CFAP54: variants seen among roughly 807,000 people sequenced by gnomAD.
CFAP54 encodes the protein cilia and flagella associated protein 54, also known as cilia- and flagella-associated protein 54.
A neutral mutation model predicts 370.4 loss-of-function variants in CFAP54; 290 were observed. The observed-to-expected ratio is 0.78, with a 90% CI of 0.71 to 0.86. CFAP54 has a LOEUF of 0.86. Ranked by LOEUF, CFAP54 falls within the 40% of genes least tolerant of loss-of-function variation. CFAP54 has a pLI of 0.00. For missense variants in CFAP54, 3,399 were observed against 3,528.7 expected (o/e 0.96, Z 0.93); for synonymous variants, 1,206 against 1,236.5 (o/e 0.98, Z 0.52).
chr12:96,512,330 T>C (rs1171489305), intron 4 of CFAP54, among the ~76,000 whole-genome samples: 3 of 38,408 alleles, frequency 7.8e-5, no homozygotes, highest in African/African-American at 2.1e-4. Context: ...TATATATATA[T>C]ATATATATAT....
At chr12:96,516,728 G>A (rs2136363474) in intron 5 of CFAP54, among the ~76,000 whole-genome samples, 1 of 152,234 alleles carries the variant, frequency 6.6e-6, no homozygotes, top group Non-Finnish European at 1.5e-5. Flanking sequence ...ATTGATTTCT[G>A]TTTCATTTTA....
intron 32 of CFAP54, among the ~76,000 whole-genome samples, chr12:96,640,431 A>C (rs895889807): frequency 8.5e-5 from 13 of 152,302 alleles, no homozygotes; most frequent in South Asian, 2.1e-4. Context: ...AAAGAGGATA[A>C]AAACCAGTGG....
intron 45 of CFAP54, among the ~76,000 whole-genome samples, chr12:96,698,398 T>C (rs959010923): frequency 6.6e-6 from 1 of 152,192 alleles, no homozygotes; most frequent in Non-Finnish European, 1.5e-5. Flanking sequence ...GTAGCACTAT[T>C]CACAATAGCA....
intron 26 of CFAP54, among the ~76,000 whole-genome samples, chr12:96,600,215 A>G (rs966559560): frequency 2.0e-5 from 3 of 152,172 alleles, no homozygotes; most frequent in East Asian, 1.9e-4. Flanking sequence ...CTTTCTACAT[A>G]TGGCTAGCCA....
At chr12:96,765,055 C>G in intron 59 of CFAP54, 22 bp from the exon 60 acceptor site, 1 of 1,381,796 alleles carries the variant, frequency 7.2e-7, no homozygotes, top group Non-Finnish European at 9.5e-7. Context: ...ATTTATAATT[C>G]TAATTTATGC....
chr12:96,864,262 G>A (rs1175739804), intron 67 of CFAP54, among the ~76,000 whole-genome samples: 1 of 152,086 alleles, frequency 6.6e-6, no homozygotes, highest in African/African-American at 2.4e-5. Flanking sequence ...GGAGAAGAAG[G>A]GGAACAGACA....
chr12:96,721,387 A>AAC lies in CFAP54; in HGVS notation c.6965+822_6965+823insAC, dbSNP rs200376741. 7.7e-4 allele frequency among the ~76,000 whole-genome samples: 117 copies of AAC among 152,346 alleles called. No homozygotes were observed. In the East Asian group the frequency reaches 0.022, roughly 29 times the overall value. ...CGATTTATTTATTTAGTCAACCAGT[A>AAC]TCTGTTAACTCTCTCACTGCCAGGC... is the stretch of plus-strand genomic sequence containing the variant. On this transcript the variant is annotated intron_variant, in intron 50 of 67. Transcript: ENST00000524981.
At position 96,533,956 on chromosome 12, in the gene CFAP54, CTTAT is replaced by C; in HGVS notation, c.1529_1532del (p.Tyr510PhefsTer17). 6.6e-7 allele frequency: 1 copy of C among 1,515,598 alleles called. No individual in the cohort carries two copies. The highest frequency in any genetic ancestry group is 2.5e-5 in the East Asian group (1 of 40,750). The allele number at this position is 1,515,598 out of a possible 1,614,324, so 93.9% of individuals were successfully genotyped here. A position where few individuals can be genotyped will look rare whatever the true frequency, so the allele number is the denominator to read the frequency against. ...TTTATTTGAATCTTCTGCTGTACAT[CTTAT>C]TTATTTTCTCCAGGTAATATATGCA... is the stretch of plus-strand genomic sequence containing the variant. On this transcript the variant is annotated frameshift_variant, in exon 10 of 68. Coordinates refer to ENST00000524981, the MANE Select transcript of CFAP54 (RefSeq NM_001306084.2). LOFTEE classifies it high-confidence loss of function.
intron 5 of CFAP54, among the ~76,000 whole-genome samples, chr12:96,517,781 G>C (rs1469117523): frequency 6.6e-6 from 1 of 152,200 alleles, no homozygotes; most frequent in Admixed American, 6.5e-5. Flanking sequence ...CTGGCAACCT[G>C]GGGTAAAGCC....
At chr12:96,808,872 A>G (rs1958906108) in intron 63 of CFAP54, among the ~76,000 whole-genome samples, 1 of 152,188 alleles carries the variant, frequency 6.6e-6, no homozygotes, top group African/African-American at 2.4e-5. Context: ...TTCCCCTTAT[A>G]TGCTAACAGG....
chr12:96,753,324 C>G (rs939767467), intron 55 of CFAP54, among the ~76,000 whole-genome samples: 17 of 152,246 alleles, frequency 1.1e-4, no homozygotes, highest in Admixed American at 5.2e-4. Context: ...CAAGTAACCA[C>G]TATAATGCTT....
intron 58 of CFAP54, among the ~76,000 whole-genome samples, chr12:96,758,242 G>A (rs10860090): frequency 0.11 from 17,233 of 152,076 alleles, 1,695 homozygotes; most frequent in East Asian, 0.44. Context: ...GCATGTATTA[G>A]TTCATTTTCA....
chr12:96,597,748 T>C lies in CFAP54; in HGVS notation c.3517-897T>C, dbSNP rs183194637. ...TATGGTTGAAGGAAAAAATACACACTTCAGAAAAGTATTTATAAATCCCAT... is the reference window on the plus strand; with the variant it reads ...TATGGTTGAAGGAAAAAATACACACCTCAGAAAAGTATTTATAAATCCCAT... On this transcript the variant is annotated intron_variant, in intron 25 of 67. Coordinates refer to ENST00000524981, the MANE Select transcript of CFAP54 (RefSeq NM_001306084.2). Among the ~76,000 whole-genome samples the C allele has an allele frequency of 3.0e-3, 456 of 151,754 alleles. 3 individuals are homozygous for C. Among genetic ancestry groups the C allele is most frequent in the African/African-American group, 0.01 (417 of 41,434 alleles).
intron 15 of CFAP54, 115 bp downstream of exon 15, chr12:96,548,093 T>A: frequency 2.0e-6 from 1 of 505,878 alleles, no homozygotes; most frequent in Non-Finnish European, 3.4e-6. Flanking sequence ...TATTTAAAAT[T>A]TGAGGATTAT....
intron 65 of CFAP54, among the ~76,000 whole-genome samples, chr12:96,826,519 A>G (rs1846127004): frequency 1.2e-5 from 1 of 85,996 alleles, no homozygotes; most frequent in African/African-American, 4.3e-5. Flanking sequence ...ATATAAATAT[A>G]TAATATATTA....
chr12:96,716,532 C>A (rs572898932), intron 48 of CFAP54, among the ~76,000 whole-genome samples: 2 of 152,174 alleles, frequency 1.3e-5, no homozygotes, highest in Non-Finnish European at 2.9e-5. Context: ...CCTACTGAGC[C>A]CCTGTAGAAG....
intron 58 of CFAP54, among the ~76,000 whole-genome samples, chr12:96,760,766 C>G (rs1016222934): frequency 6.6e-6 from 1 of 152,186 alleles, no homozygotes; most frequent in African/African-American, 2.4e-5. Flanking sequence ...CATAGGTTGA[C>G]CCATGTTGTA....
At chr12:96,776,683 A>G (rs1013321311) in intron 60 of CFAP54, among the ~76,000 whole-genome samples, 2 of 152,210 alleles carry the variant, frequency 1.3e-5, no homozygotes, top group East Asian at 1.9e-4. Context: ...TAGTTTCTTA[A>G]AAGTTCATTC....
At chr12:96,822,906 T>C (rs576164768) in intron 65 of CFAP54, among the ~76,000 whole-genome samples, 39 of 152,288 alleles carry the variant, frequency 2.6e-4, no homozygotes, top group African/African-American at 8.2e-4. Context: ...TTTTTGTTTC[T>C]TTTCTCCTTC....
Sources: gnomAD v4.1 joint callset for allele counts (sites outside exome capture counted in the v4.1 genomes callset) on GRCh38, gnomAD v4.1.1 for gene constraint, MANE v1.5 for transcripts, NCBI Gene and HGNC (gene_info 2026-07-23, HGNC 2026-07-21) for gene names.